Variants in HOOK1 observed in about 807,000 individuals in gnomAD.
HOOK1 encodes hook microtubule tethering protein 1.
HOOK1 carries 60 observed loss-of-function variants against 112.8 expected under a neutral mutation model. The ratio of observed to expected loss-of-function variants is 0.53; its 90% CI spans 0.43 to 0.66. The LOEUF (loss-of-function observed/expected upper bound fraction) is 0.66, where lower values mean the gene tolerates loss of function less well. Ranked by LOEUF, HOOK1 falls within the 30% of genes least tolerant of loss-of-function variation. The pLI, the probability that HOOK1 is intolerant of heterozygous loss-of-function variation, is 0.00. For synonymous variants in HOOK1, 294 were observed against 283.8 expected, an observed-to-expected ratio of 1.04 and a Z score of -0.36; for missense variants, 770 against 856.0, an observed-to-expected ratio of 0.90 and a Z score of 1.25.
chr1:59,844,325 A>G (rs2098402515), intron 9 of HOOK1, among the ~76,000 whole-genome samples: 1 of 152,028 alleles, frequency 6.6e-6, no homozygotes. Context: ...ACCCCTGTAT[A>G]TTTCAGTGCA....
At chr1:59,831,633 G>A (rs1373296594) in intron 3 of HOOK1, among the ~76,000 whole-genome samples, 1 of 152,144 alleles carries the variant, frequency 6.6e-6, no homozygotes, top group African/African-American at 2.4e-5. Context: ...AACTTCTAAT[G>A]TCTTATCTCT....
rs1219503159 is a variant in HOOK1, at chr1:59,846,580, TTCCTTCCTCCC to T, written c.789-460_789-450del. Reference sequence around the variant, plus strand: ...CTTCCTTCCTTCCTTCCTTCCTTCCTTCCTTCCTCCCTCCTCCCTCCCTCCCTCCCTCTCTC... The same window carrying T: ...CTTCCTTCCTTCCTTCCTTCCTTCCTTCCTCCCTCCCTCCCTCCCTCTCTC... On this transcript the variant is annotated intron_variant, in intron 9 of 21. Coordinates refer to ENST00000371208, the MANE Select transcript of HOOK1 (RefSeq NM_015888.6). Among the ~76,000 whole-genome samples, 26 of 88,100 alleles carry T rather than the reference TTCCTTCCTCCC, an allele frequency of 3.0e-4. 2 individuals are homozygous for T. The highest frequency in any genetic ancestry group is 3.7e-4 in the Admixed American group (3 of 8,168). The allele number at this position is 88,100 out of a possible 152,430, so 57.8% of individuals were successfully genotyped here.
At chr1:59,843,399 A>G in intron 8 of HOOK1, 33 bp from the exon 9 acceptor site, 1 of 1,484,056 alleles carries the variant, frequency 6.7e-7, no homozygotes, top group Non-Finnish European at 9.2e-7. Context: ...TTTTTTTTCT[A>G]CTGGTGCTTA....
chr1:59,828,216 C>T (rs140743908), intron 2 of HOOK1, among the ~76,000 whole-genome samples: 1 of 152,212 alleles, frequency 6.6e-6, no homozygotes, highest in African/African-American at 2.4e-5. Flanking sequence ...TTGTCTTGGC[C>T]ATCAGTATCA....
At chr1:59,837,030 T>G in intron 7 of HOOK1, 95 bp downstream of exon 7, 1 of 725,906 alleles carries the variant, frequency 1.4e-6, no homozygotes, top group South Asian at 2.1e-5. Flanking sequence ...GCATATACAA[T>G]AATATTTTCT....
Position 59,875,503 on chromosome 1 carries a change from TA to T in HOOK1, c.*2541del, listed in dbSNP as rs1644117648. On this transcript the variant is annotated 3_prime_UTR_variant, in exon 22 of 22. Coordinates refer to ENST00000371208, the MANE Select transcript of HOOK1 (RefSeq NM_015888.6). The stretch of plus-strand genomic sequence containing the variant: ...TAGTGAGTTGACACCCTGTGGGTGG[TA>T]AAGCATTATAAACATTTCATCTTGA... 6.6e-6 allele frequency: 1 copy of T among 152,630 alleles called. No individual in the cohort carries two copies. Among genetic ancestry groups the T allele is most frequent in the Non-Finnish European group, 1.5e-5 (1 of 68,004 alleles). 9.5% of individuals were successfully genotyped at this position (152,630 alleles called of 1,614,324 possible). A position where few individuals can be genotyped will look rare whatever the true frequency, so the allele number is the denominator to read the frequency against.
At chr1:59,834,153 C>T (rs1056667484) in intron 5 of HOOK1, among the ~76,000 whole-genome samples, 3 of 152,088 alleles carry the variant, frequency 2.0e-5, no homozygotes, top group Admixed American at 6.6e-5. Context: ...TAATCCGTTT[C>T]GGTGGTGAGA....
At chr1:59,820,867 C>G (rs2098385113) in intron 1 of HOOK1, among the ~76,000 whole-genome samples, 1 of 152,156 alleles carries the variant, frequency 6.6e-6, no homozygotes, top group African/African-American at 2.4e-5. Flanking sequence ...AGTAAAGTGT[C>G]TCTGTGTGTT....
At chr1:59,852,169 A>G (rs1209993698) in intron 12 of HOOK1, among the ~76,000 whole-genome samples, 3 of 151,740 alleles carry the variant, frequency 2.0e-5, no homozygotes, top group Non-Finnish European at 4.4e-5. Flanking sequence ...GGCCACATAG[A>G]GTGAGTTGAG....
intron 1 of HOOK1, among the ~76,000 whole-genome samples, chr1:59,817,557 C>A (rs1307059761): frequency 6.6e-6 from 1 of 152,130 alleles, no homozygotes; most frequent in East Asian, 1.9e-4. Context: ...ACCTACCCAA[C>A]TTTCTCCAAA....
chr1:59,864,870 T>TA, intron 17 of HOOK1: 1 of 550,318 alleles, frequency 1.8e-6, no homozygotes, highest in Non-Finnish European at 3.3e-6. Flanking sequence ...CCATTGTTAA[T>TA]ATCATTTGAA....
intron 7 of HOOK1, among the ~76,000 whole-genome samples, chr1:59,837,817 G>T (rs1347399774): frequency 1.3e-5 from 2 of 152,018 alleles, no homozygotes; most frequent in East Asian, 3.9e-4. Context: ...CCTACATTAG[G>T]TATTTCTCCT....
chr1:59,815,114 G>A lies in HOOK1; in HGVS notation c.-4G>A. On this transcript the variant is annotated 5_prime_UTR_variant, in exon 1 of 22. Coordinates refer to ENST00000371208, the MANE Select transcript of HOOK1 (RefSeq NM_015888.6). ...CCGCGGCGTCGTCGACGGCGGCGCCGGCCATGGAGGAGACGCAGCCGCCGC... is the reference window on the plus strand; with the variant it reads ...CCGCGGCGTCGTCGACGGCGGCGCCAGCCATGGAGGAGACGCAGCCGCCGC... 2.6e-6 allele frequency: 4 copies of A among 1,540,760 alleles called. No homozygotes were observed. The highest frequency in any genetic ancestry group is 3.5e-6 in the Non-Finnish European group (4 of 1,146,362).
chr1:59,846,017 C>T (rs2098403592), intron 9 of HOOK1, among the ~76,000 whole-genome samples: 1 of 151,774 alleles, frequency 6.6e-6, no homozygotes, highest in African/African-American at 2.4e-5. Flanking sequence ...TTTTTCCTGA[C>T]AAATTTAATT....
At chr1:59,870,893 T>C (rs1187838193) in intron 20 of HOOK1, 149 bp from the exon 21 acceptor site, 7 of 588,436 alleles carry the variant, frequency 1.2e-5, no homozygotes, top group Non-Finnish European at 2.1e-5. Flanking sequence ...GCATTTGTGC[T>C]TGATTCAGTT....
intron 16 of HOOK1, chr1:59,863,970 T>A: frequency 5.1e-6 from 1 of 197,864 alleles, no homozygotes; most frequent in South Asian, 1.7e-4. Context: ...GGCAGTGTTT[T>A]AAAGATAAAT....
intron 7 of HOOK1, among the ~76,000 whole-genome samples, chr1:59,839,827 T>C (rs1195005406): frequency 6.6e-6 from 1 of 152,194 alleles, no homozygotes; most frequent in African/African-American, 2.4e-5. Flanking sequence ...GCTGTGGTTT[T>C]GTCATAAATA....
chr1:59,856,974 A>T (rs1454107170), intron 12 of HOOK1, among the ~76,000 whole-genome samples: 1 of 151,988 alleles, frequency 6.6e-6, no homozygotes, highest in African/African-American at 2.4e-5. Flanking sequence ...AAAGATTCCT[A>T]TGGGCATCTT....
chr1:59,826,523 G>A lies in HOOK1; in HGVS notation c.150-2257G>A, dbSNP rs965806915. The stretch of plus-strand genomic sequence containing the variant: ...GGCTAAAGTTGATTTGAGATAGAAA[G>A]GAAGATGAGGAGGAATGTAAGACAA... On this transcript the variant is annotated intron_variant, in intron 2 of 21. Transcript: ENST00000371208. Among the ~76,000 whole-genome samples, 5 of 152,006 alleles carry A rather than the reference G, an allele frequency of 3.3e-5. No homozygotes were observed. The East Asian group carries it at 9.6e-4, about 29-fold the overall frequency.
Sources: allele counts gnomAD v4.1 joint callset (sites outside exome capture counted in the v4.1 genomes callset), GRCh38; gene constraint gnomAD v4.1.1; transcripts MANE v1.5; gene names NCBI Gene and HGNC (gene_info 2026-07-23, HGNC 2026-07-21).